The following GPR83 variants were observed in gnomAD, a reference collection of about 807,000 sequenced individuals.
The protein encoded by GPR83 is G-protein coupled receptor 72.
A neutral mutation model predicts 28.0 loss-of-function variants in GPR83; 23 were observed. The ratio of observed to expected loss-of-function variants is 0.82; its 90% CI spans 0.59 to 1.16. GPR83 has a LOEUF of 1.16. GPR83 is among the 50% of genes most tolerant of loss of function. The pLI is 0.00. For missense variants in GPR83, 610 were observed against 536.6 expected (o/e 1.14, Z -1.35); for synonymous variants, 234 against 215.4 (o/e 1.09, Z -0.76).
chr11:94,381,576 T>TGTGTGTGTGTGC (rs1193944009), intron 3 of GPR83, among the ~76,000 whole-genome samples: 2 of 102,666 alleles, frequency 1.9e-5, no homozygotes, highest in African/African-American at 6.1e-5. Flanking sequence ...TGTGTGTGTG[T>TGTGTGTGTGTGC]GTGCGCGCGT....
At chr11:94,394,374 A>G (rs1348085486) in intron 2 of GPR83, among the ~76,000 whole-genome samples, 1 of 152,218 alleles carries the variant, frequency 6.6e-6, no homozygotes, top group African/African-American at 2.4e-5. Flanking sequence ...CACACCTACA[A>G]TAAAGTCAGT....
At chr11:94,390,137 A>C (rs1341092185) in intron 3 of GPR83, among the ~76,000 whole-genome samples, 1 of 150,492 alleles carries the variant, frequency 6.6e-6, no homozygotes, top group Non-Finnish European at 1.5e-5. Flanking sequence ...ACTTGGACAC[A>C]GGAAGGGGAA....
chr11:94,388,904 T>C (rs573604738), intron 3 of GPR83, among the ~76,000 whole-genome samples: 20 of 152,246 alleles, frequency 1.3e-4, no homozygotes, highest in Admixed American at 9.8e-4. Flanking sequence ...GGAGGCATCA[T>C]GCTACCTGAC....
chr11:94,385,942 C>T (rs949132452), intron 3 of GPR83, among the ~76,000 whole-genome samples: 17 of 152,114 alleles, frequency 1.1e-4, no homozygotes, highest in Non-Finnish European at 2.5e-4. Flanking sequence ...TAAGGGCAGT[C>T]AGAGAGAAAG....
chr11:94,388,818 A>T (rs1189434474), intron 3 of GPR83, among the ~76,000 whole-genome samples: 1 of 152,196 alleles, frequency 6.6e-6, no homozygotes, highest in Non-Finnish European at 1.5e-5. Flanking sequence ...AATTGGAGAA[A>T]ACTACTTTAA....
chr11:94,388,586 C>G (rs371770498), intron 3 of GPR83, among the ~76,000 whole-genome samples: 34 of 152,014 alleles, frequency 2.2e-4, no homozygotes, highest in East Asian at 3.9e-4. Flanking sequence ...GCTTCAAAGA[C>G]AATAAAATAC....
intron 3 of GPR83, among the ~76,000 whole-genome samples, chr11:94,384,086 A>G (rs1276311674): frequency 6.6e-6 from 1 of 152,232 alleles, no homozygotes; most frequent in Non-Finnish European, 1.5e-5. Flanking sequence ...AAAATCCTCA[A>G]TAAAATACTG....
intron 3 of GPR83, among the ~76,000 whole-genome samples, chr11:94,383,145 C>T (rs1220599065): frequency 4.0e-5 from 6 of 149,816 alleles, no homozygotes; most frequent in African/African-American, 9.8e-5. Flanking sequence ...AGTGAGACTC[C>T]GTCTCAAACA....
intron 2 of GPR83, among the ~76,000 whole-genome samples, chr11:94,394,605 G>A (rs188753295): frequency 3.9e-5 from 6 of 152,274 alleles, no homozygotes; most frequent in Admixed American, 2.6e-4. Context: ...AGAACACACT[G>A]GACATTCTGG....
At chr11:94,396,869 C>A (rs76273904) in intron 1 of GPR83, among the ~76,000 whole-genome samples, 1,631 of 112,112 alleles carry the variant, frequency 0.015, no homozygotes, top group African/African-American at 0.015. Flanking sequence ...TCCTCATTTG[C>A]AAAAAAAAAA....
chr11:94,393,592 C>A lies in GPR83; in HGVS notation c.540G>T (p.Arg180=). 6.2e-7 allele frequency: 1 copy of A among 1,613,962 alleles called. No homozygotes were observed. Among genetic ancestry groups the A allele is most frequent in the Non-Finnish European group, 8.5e-7 (1 of 1,179,882 alleles). Residue 180 remains arginine (R), a synonymous_variant, in exon 3 of 4, where the codon CGG becomes CGT. Coordinates refer to ENST00000243673, the MANE Select transcript of GPR83 (RefSeq NM_016540.4). ...HQVIMHPLKP[R]ISITKGVIYI... is the part of the protein sequence containing the mutation. ...AGATGACACCCTTTGTGATTGAGAT[C>A]CGGGGTTTCAAGGGGTGCATGATGA...
At chr11:94,384,744 G>A (rs1318267815) in intron 3 of GPR83, among the ~76,000 whole-genome samples, 1 of 152,218 alleles carries the variant, frequency 6.6e-6, no homozygotes, top group Non-Finnish European at 1.5e-5. Flanking sequence ...AAGGAGGCCT[G>A]CCTCCCTCTG....
In GPR83 at chr11:94,397,844, G is replaced by C. The variant is rs568073517; in HGVS notation, c.388-1320C>G. ...TGGGGAATAAGGAGTGGATTGGCTT[G>C]TCTGGAGTGTGTGAACAAGAGTCAT... On this transcript the variant is annotated intron_variant, in intron 1 of 3. Transcript: ENST00000243673. Among the ~76,000 whole-genome samples, 125 of 152,328 alleles carry C rather than the reference G, an allele frequency of 8.2e-4. 2 individuals are homozygous for C. The highest frequency in any genetic ancestry group is 2.9e-3 in the African/African-American group (122 of 41,584).
intron 1 of GPR83, among the ~76,000 whole-genome samples, chr11:94,399,397 T>C (rs993869290): frequency 6.6e-6 from 1 of 152,176 alleles, no homozygotes; most frequent in African/African-American, 2.4e-5. Context: ...TGTCCTTCAC[T>C]CCCAGCTGGC....
At chr11:94,397,187 G>C (rs1944874829) in intron 1 of GPR83, among the ~76,000 whole-genome samples, 1 of 152,132 alleles carries the variant, frequency 6.6e-6, no homozygotes, top group African/African-American at 2.4e-5. Flanking sequence ...ACAGGTGTGG[G>C]GAGAGAAGAC....
chr11:94,399,954 A>T (rs1323214161), intron 1 of GPR83, among the ~76,000 whole-genome samples: 1 of 152,150 alleles, frequency 6.6e-6, no homozygotes, highest in Non-Finnish European at 1.5e-5. Flanking sequence ...AAATGCCCCC[A>T]GCCTGCCCGA....
At chr11:94,398,922 C>T (rs972541873) in intron 1 of GPR83, among the ~76,000 whole-genome samples, 1 of 152,160 alleles carries the variant, frequency 6.6e-6, no homozygotes, top group Non-Finnish European at 1.5e-5. Flanking sequence ...TGCTTTGGCT[C>T]ATACTGGAGG....
At position 94,400,890 on chromosome 11, in the gene GPR83, T is replaced by A. The variant is rs1245345464; in HGVS notation, c.358A>T (p.Ile120Phe). The stretch of plus-strand genomic sequence containing the variant: ...GTGAAGGGGGTGTTGAGCAGCGTGA[T>A]CATTATGTCGGCAACTGCCAGGTTG... Reference protein sequence around the residue: ...IVNLAVADIMITLLNTPFTLV... With the variant: ...IVNLAVADIMFTLLNTPFTLV... Residue 120 changes from isoleucine (I) to phenylalanine (F), a missense_variant, in exon 1 of 4, where the codon ATC (isoleucine) becomes TTC (phenylalanine). Transcript: ENST00000243673. 2 of 1,613,992 alleles carry A rather than the reference T, an allele frequency of 1.2e-6. No homozygotes were observed.
At position 94,393,448 on chromosome 11, in the gene GPR83, A is replaced by C. The variant is rs757024701; in HGVS notation, c.647+37T>G. On this transcript the variant is annotated intron_variant, in intron 3 of 3. Transcript: ENST00000243673. ...GGTGGAGCCTGACTCAGGAGAAGACACAAGTCCCCAGGCAGATCCCAACGA... is the reference window on the plus strand; with the variant it reads ...GGTGGAGCCTGACTCAGGAGAAGACCCAAGTCCCCAGGCAGATCCCAACGA... 35 of 1,608,336 alleles carry C rather than the reference A, an allele frequency of 2.2e-5. 1 individual carries two copies. In the East Asian group the frequency reaches 7.1e-4, roughly 33 times the overall value.
Sources: gnomAD v4.1 joint callset for allele counts (sites outside exome capture counted in the v4.1 genomes callset) on GRCh38, gnomAD v4.1.1 for gene constraint, MANE v1.5 for transcripts, NCBI Gene and HGNC (gene_info 2026-07-23, HGNC 2026-07-21) for gene names.